PRSS12: variants seen among roughly 807,000 people sequenced by gnomAD.
PRSS12 encodes serine protease 12.
PRSS12 carries 85 observed loss-of-function variants against 104.4 expected under a neutral mutation model. The observed-to-expected ratio is 0.81, with a 90% confidence interval of 0.68 to 0.98. PRSS12 has a LOEUF of 0.98. Among genes scored for constraint, PRSS12 ranks in the 50% least tolerant of loss-of-function variants. The pLI is 0.00. For missense variants in PRSS12, 1,141 were observed against 1,139.2 expected (o/e 1.00, Z -0.02); for synonymous variants, 454 against 425.2 (o/e 1.07, Z -0.83).
At position 118,316,836 on chromosome 4, in the gene PRSS12, A is replaced by AT. The variant is rs1406060095; in HGVS notation, c.1151-514_1151-513insA. 9.2e-4 allele frequency among the ~76,000 whole-genome samples: 114 copies of AT among 124,436 alleles called. 1 individual carries two copies. Among genetic ancestry groups the AT allele is most frequent in the African/African-American group, 2.8e-3 (100 of 35,430 alleles). The allele number at this position is 124,436 out of a possible 152,430, so 81.6% of individuals were successfully genotyped here. A position where few individuals can be genotyped will look rare whatever the true frequency, so the allele number is the denominator to read the frequency against. ...GACTCCGTCTCACGGAAAAAAAAAA[A>AT]AATATATATATATATATATATCTTT... On this transcript the variant is annotated intron_variant, in intron 5 of 12. Coordinates refer to ENST00000296498, the MANE Select transcript of PRSS12 (RefSeq NM_003619.4).
At chr4:118,288,349 A>C (rs1743056556) in intron 11 of PRSS12, among the ~76,000 whole-genome samples, 1 of 152,220 alleles carries the variant, frequency 6.6e-6, no homozygotes, top group South Asian at 2.1e-4. Context: ...GTATTACCAA[A>C]GGCTATGTTC....
Position 118,352,501 on chromosome 4 carries a change from C to G in PRSS12, c.220G>C (p.Ala74Pro). Residue 74 changes from alanine (A) to proline (P), a missense_variant, in exon 1 of 13, where the codon GCC becomes CCC. Coordinates refer to ENST00000296498, the MANE Select transcript of PRSS12 (RefSeq NM_003619.4). The stretch of plus-strand genomic sequence containing the variant: ...GCCTGGAGGGCGTGCGGGCGCTGGG[C>G]AGGGAGCGCCCGCGGGGGGCGCGGG... ...RFPRPPRALP[A>P]QRPHALQAGH... 1 of 1,432,508 alleles carries G rather than the reference C, an allele frequency of 7.0e-7. No homozygotes were observed. 88.7% of individuals were successfully genotyped at this position (1,432,508 alleles called of 1,614,324 possible).
chr4:118,336,147 T>A (rs1228592281), intron 2 of PRSS12, among the ~76,000 whole-genome samples: 1 of 152,204 alleles, frequency 6.6e-6, no homozygotes, highest in Non-Finnish European at 1.5e-5. Flanking sequence ...TATTACTACA[T>A]CTAAGCACAA....
chr4:118,296,165 TAATGTATGGAACAA>T (rs1306945176), intron 9 of PRSS12, among the ~76,000 whole-genome samples: 1 of 152,222 alleles, frequency 6.6e-6, no homozygotes, highest in African/African-American at 2.4e-5. Flanking sequence ...CTATTTGGTG[TAATGTATGGAACAA>T]AATGTATGGA....
chr4:118,331,930 T>A, intron 3 of PRSS12, 64 bp from the exon 4 acceptor site: 2 of 1,596,438 alleles, frequency 1.3e-6, no homozygotes, highest in South Asian at 2.2e-5. Context: ...TAAGATTAGG[T>A]ATATTCTATA....
rs35698159 is a variant in PRSS12, at chr4:118,316,837, A to AAAAT, written c.1151-515_1151-514insATTT. Reference sequence around the variant, plus strand: ...ACTCCGTCTCACGGAAAAAAAAAAAAATATATATATATATATATATCTTTC... The same window carrying AAAAT: ...ACTCCGTCTCACGGAAAAAAAAAAAAAAATATATATATATATATATATATCTTTC... On this transcript the variant is annotated intron_variant, in intron 5 of 12. Transcript: ENST00000296498. 1.6e-3 allele frequency among the ~76,000 whole-genome samples: 154 copies of AAAAT among 99,190 alleles called. 2 individuals are homozygous for AAAAT. The highest frequency in any genetic ancestry group is 6.2e-3 in the East Asian group (22 of 3,554). The allele number at this position is 99,190 out of a possible 152,430, so 65.1% of individuals were successfully genotyped here. A position where few individuals can be genotyped will look rare whatever the true frequency, so the allele number is the denominator to read the frequency against.
intron 8 of PRSS12, among the ~76,000 whole-genome samples, chr4:118,301,563 T>C (rs1743407200): frequency 6.6e-6 from 1 of 152,164 alleles, no homozygotes; most frequent in Admixed American, 6.6e-5. Context: ...TAGCATAGTA[T>C]TTAATGTATA....
In PRSS12 at chr4:118,338,299, C is replaced by T. The variant is rs764862487; in HGVS notation, c.518G>A (p.Arg173His). The T allele has an allele frequency of 2.5e-6, 4 of 1,613,930 alleles. No homozygotes were observed. The highest frequency in any genetic ancestry group is 3.4e-6 in the Non-Finnish European group (4 of 1,179,926). The change falls in exon 2 of 13, where the codon CGT becomes CAT. Residue 173 changes from arginine (R) to histidine (H), a missense_variant. By Grantham distance (29) the Arg-to-His change is conservative. Transcript: ENST00000296498. ...CDCRHGSVRL[R>H]GGKNEFEGTV... ...GCCTTCAAACTCATTTTTGCCGCCA[C>T]GAAGTCGTACTGATCCTAAAGTGGA...
chr4:118,341,604 C>T (rs1724210734), intron 1 of PRSS12, among the ~76,000 whole-genome samples: 2 of 151,956 alleles, frequency 1.3e-5, no homozygotes, highest in African/African-American at 2.4e-5. Flanking sequence ...ATCACTTGAA[C>T]CCGGGAGGCT....
chr4:118,299,808 T>A lies in PRSS12; in HGVS notation c.1632-870A>T, dbSNP rs373758590. ...ATAAAATAAAATAAATAAAATAAAA[T>A]AAATAAAATAAAATAAAATAAAATA... is the stretch of plus-strand genomic sequence containing the variant. On this transcript the variant is annotated intron_variant, in intron 8 of 12. Coordinates refer to ENST00000296498, the MANE Select transcript of PRSS12 (RefSeq NM_003619.4). Among the ~76,000 whole-genome samples, 75 of 91,676 alleles carry A rather than the reference T, an allele frequency of 8.2e-4. 1 individual carries two copies. Among genetic ancestry groups the A allele is most frequent in the South Asian group, 7.9e-3 (21 of 2,650 alleles). 60.1% of individuals were successfully genotyped at this position (91,676 alleles called of 152,430 possible). A position where few individuals can be genotyped will look rare whatever the true frequency, so the allele number is the denominator to read the frequency against.
chr4:118,316,119 C>T, intron 6 of PRSS12, 63 bp downstream of exon 6: 1 of 1,573,210 alleles, frequency 6.4e-7, no homozygotes, highest in Non-Finnish European at 8.7e-7. Flanking sequence ...TAGGGATTAA[C>T]ATAATAAGAC....
intron 11 of PRSS12, among the ~76,000 whole-genome samples, chr4:118,284,438 A>C (rs993545135): frequency 6.6e-6 from 1 of 152,112 alleles, no homozygotes; most frequent in Admixed American, 6.5e-5. Flanking sequence ...CTTAATTTCC[A>C]ATAACTTTTC....
rs1479388357 is a variant in PRSS12, at chr4:118,352,462, G to C, written c.259C>G (p.Arg87Gly). ...PHALQAGHTPRPHPWGCPAGE... is the reference protein window; with the variant it reads ...PHALQAGHTPGPHPWGCPAGE... The stretch of plus-strand genomic sequence containing the variant: ...GCGGGGCAGCCCCAGGGGTGCGGCC[G>C]GGGCGTGTGCCCGGCCTGGAGGGCG... The change falls in exon 1 of 13, where the codon CGG (arginine) becomes GGG (glycine). Residue 87 changes from arginine (R) to glycine (G), a missense_variant. Arg to Gly is a moderately radical substitution (Grantham distance 125). Transcript: ENST00000296498. 5.0e-6 allele frequency: 7 copies of C among 1,403,848 alleles called. No homozygotes were observed. The Admixed American group carries it at 1.0e-4, about 21-fold the overall frequency. 87.0% of individuals were successfully genotyped at this position (1,403,848 alleles called of 1,614,324 possible).
Position 118,281,912 on chromosome 4 carries a change from C to G in PRSS12, c.*24G>C. 1 of 1,026,540 alleles carries G rather than the reference C, an allele frequency of 9.7e-7. No homozygotes were observed. Among genetic ancestry groups the G allele is most frequent in the Non-Finnish European group, 1.6e-6 (1 of 642,664 alleles). The allele number at this position is 1,026,540 out of a possible 1,614,324, so 63.6% of individuals were successfully genotyped here. Reference sequence around the variant, plus strand: ...TCAAAGTTTTCCATTTGTTTAAATGCTGCTTTGAAGTTTCCATGAAGAATT... The same window carrying G: ...TCAAAGTTTTCCATTTGTTTAAATGGTGCTTTGAAGTTTCCATGAAGAATT... On this transcript the variant is annotated 3_prime_UTR_variant, in exon 13 of 13. Coordinates refer to ENST00000296498, the MANE Select transcript of PRSS12 (RefSeq NM_003619.4).
intron 11 of PRSS12, among the ~76,000 whole-genome samples, chr4:118,285,062 G>A (rs10020862): frequency 2.8e-3 from 424 of 152,120 alleles, no homozygotes; most frequent in African/African-American, 9.8e-3. Flanking sequence ...TGACCATCTC[G>A]TATATATGAT....
chr4:118,317,663 G>A (rs2126035446), intron 5 of PRSS12, among the ~76,000 whole-genome samples: 1 of 152,266 alleles, frequency 6.6e-6, no homozygotes, highest in South Asian at 2.1e-4. Context: ...TGCATGTATA[G>A]AAGTATGTGA....
chr4:118,312,029 G>A (rs1029839016), intron 7 of PRSS12, among the ~76,000 whole-genome samples: 1 of 152,050 alleles, frequency 6.6e-6, no homozygotes, highest in Non-Finnish European at 1.5e-5. Flanking sequence ...AGGGGCAAGG[G>A]AAAAGGAGAA....
Position 118,282,031 on chromosome 4 carries a change from A to T in PRSS12, c.2533T>A (p.Ser845Thr). Residue 845 changes from serine to threonine, a missense_variant, in exon 13 of 13, where the codon TCC (serine) becomes ACC (threonine). By Grantham distance (58) the Ser-to-Thr change is moderately conservative. Transcript: ENST00000296498. ...TTGACTCCACAGCCATACCCCCAGG[A>T]GGTCACCCCATACACCACCCAGCTC... The part of the protein sequence containing the change: ...GESWVVYGVT[S>T]WGYGCGVKDS... 2 of 1,613,322 alleles carry T rather than the reference A, an allele frequency of 1.2e-6. No homozygotes were observed. Among genetic ancestry groups the T allele is most frequent in the Non-Finnish European group, 1.7e-6 (2 of 1,179,298 alleles).
chr4:118,300,565 C>T (rs1218469867), intron 8 of PRSS12, among the ~76,000 whole-genome samples: 1 of 151,996 alleles, frequency 6.6e-6, no homozygotes, highest in East Asian at 1.9e-4. Flanking sequence ...CAAAAGCTTT[C>T]CAGATGAATT....
Sources: gnomAD v4.1 joint callset for allele counts (sites outside exome capture counted in the v4.1 genomes callset) on GRCh38, gnomAD v4.1.1 for gene constraint, MANE v1.5 for transcripts, NCBI Gene and HGNC (gene_info 2026-07-23, HGNC 2026-07-21) for gene names.